The following PTPRK variants were observed in gnomAD, a reference collection of about 807,000 sequenced individuals.
PTPRK encodes the protein receptor-type tyrosine-protein phosphatase kappa.
PTPRK carries 75 observed loss-of-function variants against 178.0 expected under a neutral mutation model. The observed-to-expected ratio is 0.42, with a 90% CI of 0.35 to 0.51. PTPRK has a LOEUF of 0.51. PTPRK is among the 20% of genes least tolerant of loss of function. The pLI, the probability that PTPRK is intolerant of heterozygous loss-of-function variation, is 0.02. For missense variants in PTPRK, 1,441 were observed against 1,797.8 expected (o/e 0.80, Z 3.59); for synonymous variants, 637 against 620.6 (o/e 1.03, Z -0.39).
chr6:128,406,155 C>T (rs1027930128), intron 1 of PTPRK, among the ~76,000 whole-genome samples: 9 of 151,740 alleles, frequency 5.9e-5, no homozygotes, highest in African/African-American at 1.5e-4. Flanking sequence ...CTCAGCTACC[C>T]GAGAGGCTGA....
intron 6 of PTPRK, among the ~76,000 whole-genome samples, chr6:128,188,109 AT>A (rs1182417704): frequency 6.6e-6 from 1 of 152,194 alleles, no homozygotes; most frequent in Non-Finnish European, 1.5e-5. Flanking sequence ...GAGGTATCAA[AT>A]GAAGCATGCA....
At chr6:128,236,474 G>A (rs1238629542) in intron 5 of PTPRK, among the ~76,000 whole-genome samples, 1 of 150,042 alleles carries the variant, frequency 6.7e-6, no homozygotes, top group Admixed American at 6.7e-5. Context: ...TCAGCCTGCC[G>A]AGTAGCTGGG....
At chr6:127,990,014 C>A (rs780604225) in intron 21 of PTPRK, among the ~76,000 whole-genome samples, 6 of 152,056 alleles carry the variant, frequency 3.9e-5, no homozygotes, top group Non-Finnish European at 8.8e-5. Context: ...TCTACTACAC[C>A]AGCCACCTTA....
chr6:128,273,952 T>A (rs73596654), intron 3 of PTPRK, among the ~76,000 whole-genome samples: 6,773 of 152,202 alleles, frequency 0.045, 502 homozygotes, highest in African/African-American at 0.15. Flanking sequence ...CATACAGAGA[T>A]AAGCGATGTG....
chr6:128,378,433 CA>C (rs909927713), intron 2 of PTPRK, among the ~76,000 whole-genome samples: 1 of 151,836 alleles, frequency 6.6e-6, no homozygotes, highest in Non-Finnish European at 1.5e-5. Flanking sequence ...TTAGAGGTAA[CA>C]AAAAATGACA....
At chr6:128,257,420 C>G (rs962445248) in intron 3 of PTPRK, among the ~76,000 whole-genome samples, 1 of 152,110 alleles carries the variant, frequency 6.6e-6, no homozygotes, top group Non-Finnish European at 1.5e-5. Context: ...GTGGTAGCAA[C>G]AACCAGATTC....
At chr6:128,462,939 G>A (rs1380153215) in intron 1 of PTPRK, among the ~76,000 whole-genome samples, 1 of 151,994 alleles carries the variant, frequency 6.6e-6, no homozygotes, top group Non-Finnish European at 1.5e-5. Flanking sequence ...TTACAGACAT[G>A]GGAGCCACCG....
At chr6:128,049,467 A>G (rs1189661316) in intron 13 of PTPRK, among the ~76,000 whole-genome samples, 1 of 152,102 alleles carries the variant, frequency 6.6e-6, no homozygotes, top group Non-Finnish European at 1.5e-5. Flanking sequence ...AAACAAGTAC[A>G]TGGTTCCACA....
intron 13 of PTPRK, among the ~76,000 whole-genome samples, chr6:128,023,691 T>C (rs1482336788): frequency 6.6e-6 from 1 of 152,150 alleles, no homozygotes; most frequent in Non-Finnish European, 1.5e-5. Flanking sequence ...TCTCACTCTG[T>C]CTCCAGGGCT....
At chr6:127,991,581 GT>G (rs55842054) in intron 19 of PTPRK, among the ~76,000 whole-genome samples, 190 bp from the exon 20 acceptor site, 3,337 of 135,444 alleles carry the variant, frequency 0.025, 100 homozygotes, top group African/African-American at 0.076. Context: ...GCATATACAA[GT>G]TTTTTTTTTT....
intron 3 of PTPRK, among the ~76,000 whole-genome samples, chr6:128,300,917 T>C (rs1163764788): frequency 6.6e-6 from 1 of 152,138 alleles, no homozygotes; most frequent in South Asian, 2.1e-4. Context: ...GATTTCAACA[T>C]ACACACCCCA....
At chr6:127,984,071 T>C (rs756087402) in intron 22 of PTPRK, among the ~76,000 whole-genome samples, 104 of 152,332 alleles carry the variant, frequency 6.8e-4, no homozygotes, top group Non-Finnish European at 1.3e-3. Context: ...AATTCTAAAG[T>C]TAATTTTTAA....
At chr6:127,973,271 G>T (rs867933193) in intron 28 of PTPRK, 114 bp from the exon 29 acceptor site, 1 of 1,511,798 alleles carries the variant, frequency 6.6e-7, no homozygotes, top group Middle Eastern at 1.8e-4. Context: ...TTTTCCATTT[G>T]TGTCTTAATT....
chr6:128,249,525 T>C (rs928260971), intron 3 of PTPRK, among the ~76,000 whole-genome samples: 2 of 151,938 alleles, frequency 1.3e-5, no homozygotes, highest in Non-Finnish European at 2.9e-5. Flanking sequence ...CTAAGCAAAA[T>C]GAGTATAGTA....
At chr6:128,300,787 C>G (rs1408936151) in intron 3 of PTPRK, among the ~76,000 whole-genome samples, 1 of 151,884 alleles carries the variant, frequency 6.6e-6, no homozygotes, top group Non-Finnish European at 1.5e-5. Flanking sequence ...GTGCAGCACA[C>G]CAGCATGGCA....
intron 7 of PTPRK, among the ~76,000 whole-genome samples, chr6:128,139,391 C>T (rs1448526961): frequency 6.6e-6 from 1 of 151,934 alleles, no homozygotes; most frequent in East Asian, 1.9e-4. Context: ...GTCACACACA[C>T]AAAGTCACTA....
chr6:128,318,184 G>T (rs556188360), intron 3 of PTPRK, among the ~76,000 whole-genome samples: 1 of 152,212 alleles, frequency 6.6e-6, no homozygotes, highest in South Asian at 2.1e-4. Context: ...TGCATGGATG[G>T]TTCATGAGTA....
At chr6:128,016,360 G>A (rs941505674) in intron 13 of PTPRK, among the ~76,000 whole-genome samples, 5 of 151,804 alleles carry the variant, frequency 3.3e-5, no homozygotes, top group African/African-American at 9.7e-5. Context: ...ACTTAGCAAG[G>A]CCTGTTTGTT....
intron 2 of PTPRK, among the ~76,000 whole-genome samples, chr6:128,387,531 A>G (rs1444557934): frequency 6.6e-6 from 1 of 152,164 alleles, no homozygotes; most frequent in Non-Finnish European, 1.5e-5. Context: ...TGTTTCCCTT[A>G]TTCCTATAAT....
Sources: gnomAD v4.1 joint callset for allele counts (sites outside exome capture counted in the v4.1 genomes callset) on GRCh38, gnomAD v4.1.1 for gene constraint, MANE v1.5 for transcripts, NCBI Gene and HGNC (gene_info 2026-07-23, HGNC 2026-07-21) for gene names.